The following GPR63 variants were observed in gnomAD, a reference collection of about 807,000 sequenced individuals.
GPR63 encodes G protein-coupled receptor 63.
In GPR63, 12 loss-of-function variants were observed where a neutral mutation model predicts 23.1. That is an observed-to-expected ratio of 0.52 (90% CI 0.33 to 0.84). The LOEUF (loss-of-function observed/expected upper bound fraction) is 0.84. GPR63 is among the 40% of genes least tolerant of loss of function. GPR63 has a pLI of 0.02. For synonymous variants in GPR63, 172 were observed against 191.1 expected (o/e 0.90, Z 0.82); for missense variants, 472 against 515.6 (o/e 0.92, Z 0.82).
At chr6:96,830,062 C>T (rs1328072789) in intron 1 of GPR63, among the ~76,000 whole-genome samples, 1 of 152,006 alleles carries the variant, frequency 6.6e-6, no homozygotes, top group Admixed American at 6.6e-5. Context: ...TAAATATTTA[C>T]AGTAGTAAAA....
In GPR63 at chr6:96,798,328, A is replaced by AT; in HGVS notation, c.*143dup. On this transcript the variant is annotated 3_prime_UTR_variant, in exon 2 of 2. Coordinates refer to ENST00000229955, the MANE Select transcript of GPR63 (RefSeq NM_030784.4). ...ATTATTTATTCTTGGTAACAGAACT[A>AT]TAATTACCATTCTTTCTTTACACTG... The AT allele has an allele frequency of 1.3e-6, 1 of 749,560 alleles. No homozygotes were observed. Among genetic ancestry groups the AT allele is most frequent in the Non-Finnish European group, 2.1e-6 (1 of 474,250 alleles). 46.4% of individuals were successfully genotyped at this position (749,560 alleles called of 1,614,324 possible).
intron 1 of GPR63, among the ~76,000 whole-genome samples, chr6:96,836,723 C>CA (rs1158618307): frequency 2.0e-5 from 3 of 152,118 alleles, no homozygotes; most frequent in Non-Finnish European, 4.4e-5. Flanking sequence ...GCCAAGGATG[C>CA]AACACACAGC....
rs1773673092 is a variant in GPR63 at position 96,798,923 on chromosome 6, C to T, written c.809G>A (p.Arg270Gln). ...YSFMGILNTLRHNALRIHSYP... is the reference protein window; with the variant it reads ...YSFMGILNTLQHNALRIHSYP... ...GCTATGGATCCTCAAGGCATTGTGC[C>T]GAAGGGTGTTGAGTATGCCCATAAA... The change falls in exon 2 of 2, where the codon CGG (arginine) becomes CAG (glutamine). Residue 270 changes from arginine to glutamine, a missense_variant. Coordinates refer to ENST00000229955, the MANE Select transcript of GPR63 (RefSeq NM_030784.4). The T allele has an allele frequency of 1.2e-6, 2 of 1,613,918 alleles. No individual in the cohort carries two copies. Among genetic ancestry groups the T allele is most frequent in the Non-Finnish European group, 1.7e-6 (2 of 1,180,014 alleles).
chr6:96,831,293 A>C (rs888472353), intron 1 of GPR63, among the ~76,000 whole-genome samples: 1 of 152,208 alleles, frequency 6.6e-6, no homozygotes, highest in Non-Finnish European at 1.5e-5. Flanking sequence ...TAACATTTAT[A>C]GTTATAACTG....
Position 96,802,040 on chromosome 6 carries a change from A to C in GPR63, c.-150-2159T>G, listed in dbSNP as rs7744308. The stretch of plus-strand genomic sequence containing the variant: ...AGGTAATTTCTCTAGAAAAATTATA[A>C]ATAGACAAATGTGTATCTTAAGCCT... On this transcript the variant is annotated intron_variant, in intron 1 of 1. Transcript: ENST00000229955. Among the ~76,000 whole-genome samples the C allele has an allele frequency of 4.5e-4, 69 of 152,222 alleles. 1 individual carries two copies. Among genetic ancestry groups the C allele is most frequent in the African/African-American group, 1.7e-3 (69 of 41,460 alleles).
At chr6:96,828,636 G>C (rs1774503186) in intron 1 of GPR63, among the ~76,000 whole-genome samples, 1 of 148,408 alleles carries the variant, frequency 6.7e-6, no homozygotes, top group East Asian at 1.9e-4. Context: ...AGAAGACAAA[G>C]AAAAAGCAGA....
At chr6:96,836,654 A>T (rs1317314980) in intron 1 of GPR63, among the ~76,000 whole-genome samples, 7 of 152,134 alleles carry the variant, frequency 4.6e-5, no homozygotes, top group African/African-American at 1.7e-4. Context: ...TAAAAAGAAG[A>T]ATGTTTCCGA....
In GPR63 at chr6:96,819,606, C is replaced by A. The variant is rs565901061; in HGVS notation, c.-151+17662G>T. Among the ~76,000 whole-genome samples, 49 of 151,538 alleles carry A rather than the reference C, an allele frequency of 3.2e-4. 1 individual carries two copies. In the South Asian group the frequency reaches 9.6e-3, roughly 30 times the overall value. ...CCTAAATGGGGGTTGATAGGAGCAG[C>A]AAACCACCATGGTACATGTATATCC... On this transcript the variant is annotated intron_variant, in intron 1 of 1. Coordinates refer to ENST00000229955, the MANE Select transcript of GPR63 (RefSeq NM_030784.4).
intron 1 of GPR63, among the ~76,000 whole-genome samples, chr6:96,831,343 T>C (rs1287109998): frequency 1.3e-5 from 2 of 151,074 alleles, no homozygotes. Flanking sequence ...TAAATCTCTA[T>C]AAAATGGGGT....
rs1270132523 is a variant in GPR63 at position 96,794,268 on chromosome 6, A to G, written c.*4204T>C. ...GTTTTTTTTTCCATACAGGTCAGTT[A>G]CTATTGTAAAATAAATTAATTTTAA... On this transcript the variant is annotated 3_prime_UTR_variant, in exon 2 of 2. Coordinates refer to ENST00000229955, the MANE Select transcript of GPR63 (RefSeq NM_030784.4). The G allele has an allele frequency of 6.6e-6, 1 of 152,112 alleles. No individual in the cohort carries two copies. Among genetic ancestry groups the G allele is most frequent in the African/African-American group, 2.4e-5 (1 of 41,448 alleles). 9.4% of individuals were successfully genotyped at this position (152,112 alleles called of 1,614,324 possible).
chr6:96,830,996 T>C (rs4839696), intron 1 of GPR63, among the ~76,000 whole-genome samples: 150,230 of 152,370 alleles, frequency 0.99, 74,078 homozygotes, highest in East Asian at 1. Flanking sequence ...CAAACACATG[T>C]GCATACACAT....
At chr6:96,805,915 G>A (rs1473072766) in intron 1 of GPR63, among the ~76,000 whole-genome samples, 2 of 152,220 alleles carry the variant, frequency 1.3e-5, no homozygotes, top group Admixed American at 1.3e-4. Context: ...TGCTGTACCA[G>A]ATGTGGTTTT....
Position 96,799,706 on chromosome 6 carries a change from G to A in GPR63, c.26C>T (p.Ala9Val), listed in dbSNP as rs541468268. 6.8e-6 allele frequency: 11 copies of A among 1,614,168 alleles called. No individual in the cohort carries two copies. The highest frequency in any genetic ancestry group is 6.7e-5 in the Admixed American group (4 of 60,030). Residue 9 changes from alanine to valine, a missense_variant, in exon 2 of 2, where the codon GCG (alanine) becomes GTG (valine). By Grantham distance (64) the Ala-to-Val change is moderately conservative (BLOSUM62 0). Transcript: ENST00000229955. Reference sequence around the variant, plus strand: ...TGTGTTGGATGTCCCGGTATGGAACGCAGTCAACACTGCCGAGAAGACCAT... The same window carrying A: ...TGTGTTGGATGTCCCGGTATGGAACACAGTCAACACTGCCGAGAAGACCAT... MVFSAVLT[A>V]FHTGTSNTTF... is the part of the protein sequence containing the mutation.
At chr6:96,818,418 G>A (rs563526747) in intron 1 of GPR63, among the ~76,000 whole-genome samples, 40 of 151,938 alleles carry the variant, frequency 2.6e-4, no homozygotes, top group South Asian at 1.7e-3. Flanking sequence ...AGCTAAGATC[G>A]CAGCACTGTA....
intron 1 of GPR63, among the ~76,000 whole-genome samples, chr6:96,832,170 T>G (rs190703069): frequency 1.3e-3 from 205 of 152,200 alleles, no homozygotes; most frequent in African/African-American, 4.7e-3. Context: ...TATATGTATA[T>G]AAAAATAGAT....
At chr6:96,830,212 A>T (rs1435734064) in intron 1 of GPR63, among the ~76,000 whole-genome samples, 1 of 152,186 alleles carries the variant, frequency 6.6e-6, no homozygotes, top group Non-Finnish European at 1.5e-5. Context: ...ATGAGTATTC[A>T]ATTTTTTAAA....
rs970780907 is a variant in GPR63, at chr6:96,837,424, G to A, written c.-307C>T. The A allele has an allele frequency of 1.3e-5, 2 of 154,154 alleles. No individual in the cohort carries two copies. Among genetic ancestry groups the A allele is most frequent in the African/African-American group, 2.4e-5 (1 of 41,496 alleles). The allele number at this position is 154,154 out of a possible 1,614,324, so 9.5% of individuals were successfully genotyped here. ...GAGGAAGGAGGACAACGAAGAGGAG[G>A]TGGTGGCGGCGGCGGCGATACAGGC... On this transcript the variant is annotated 5_prime_UTR_variant, in exon 1 of 2. Transcript: ENST00000229955.
intron 1 of GPR63, among the ~76,000 whole-genome samples, chr6:96,804,667 A>G (rs1435657046): frequency 6.6e-6 from 1 of 152,072 alleles, no homozygotes; most frequent in Non-Finnish European, 1.5e-5. Context: ...AGGTTTTTTC[A>G]TATATTTATT....
chr6:96,837,260 C>T lies in GPR63; in HGVS notation c.-151+8G>A, dbSNP rs900968656. ...ATCGCGGGCCGGGGATCCCGAGCCT[C>T]ACCTCACCTCAAGCGAAGGGCAGCG... On this transcript the variant is annotated splice_region_variant and intron_variant, in intron 1 of 1. Coordinates refer to ENST00000229955, the MANE Select transcript of GPR63 (RefSeq NM_030784.4). 6.6e-6 allele frequency: 1 copy of T among 152,496 alleles called. No homozygotes were observed. Among genetic ancestry groups the T allele is most frequent in the East Asian group, 1.9e-4 (1 of 5,134 alleles). 9.4% of individuals were successfully genotyped at this position (152,496 alleles called of 1,614,324 possible).
Sources: allele counts gnomAD v4.1 joint callset (sites outside exome capture counted in the v4.1 genomes callset), GRCh38; gene constraint gnomAD v4.1.1; transcripts MANE v1.5; gene names NCBI Gene and HGNC (gene_info 2026-07-23, HGNC 2026-07-21).